The following RIPOR2 variants were observed in gnomAD, a reference collection of about 807,000 sequenced individuals.
RIPOR2 encodes RHO family interacting cell polarization regulator 2.
A neutral mutation model predicts 114.5 loss-of-function variants in RIPOR2; 39 were observed. The ratio of observed to expected loss-of-function variants is 0.34; its 90% confidence interval spans 0.26 to 0.44. RIPOR2 has a LOEUF of 0.44. Ranked by LOEUF, RIPOR2 falls within the 20% of genes least tolerant of loss-of-function variation. The pLI, the probability that RIPOR2 is intolerant of heterozygous loss-of-function variation, is 1.00. For missense variants in RIPOR2, 1,007 were observed against 1,255.1 expected, an observed-to-expected ratio of 0.80 and a Z score of 2.99; for synonymous variants, 445 against 484.4, an observed-to-expected ratio of 0.92 and a Z score of 1.07.
chr6:24,956,975 G>A (rs973793783), intron 1 of RIPOR2, among the ~76,000 whole-genome samples: 3 of 152,118 alleles, frequency 2.0e-5, no homozygotes, highest in Non-Finnish European at 2.9e-5. Flanking sequence ...ACAACCTATC[G>A]TTTCTCCACC....
chr6:24,826,545 A>T (rs1395257096), intron 18 of RIPOR2, among the ~76,000 whole-genome samples: 2 of 151,464 alleles, frequency 1.3e-5, no homozygotes, highest in African/African-American at 4.9e-5. Flanking sequence ...ATGCTCTATC[A>T]ATTTCACTGC....
At chr6:25,039,715 C>T (rs576229163) in intron 1 of RIPOR2, among the ~76,000 whole-genome samples, 1 of 152,148 alleles carries the variant, frequency 6.6e-6, no homozygotes, top group South Asian at 2.1e-4. Context: ...GATTCCATAA[C>T]GGAGGTATTG....
At chr6:24,847,664 G>T (rs1286311233) in intron 12 of RIPOR2, 1 of 1,551,564 alleles carries the variant, frequency 6.4e-7, no homozygotes, top group Admixed American at 2.0e-5. Flanking sequence ...AGCCGCCTGG[G>T]CTTGTCTGGG....
chr6:24,834,656 C>T (rs1301222077), intron 15 of RIPOR2, among the ~76,000 whole-genome samples: 1 of 152,102 alleles, frequency 6.6e-6, no homozygotes, highest in Non-Finnish European at 1.5e-5. Context: ...GGAGTAGAAC[C>T]ATTGTCACCC....
At chr6:24,981,755 G>A (rs926191153) in intron 1 of RIPOR2, among the ~76,000 whole-genome samples, 2 of 152,190 alleles carry the variant, frequency 1.3e-5, no homozygotes, top group Non-Finnish European at 2.9e-5. Flanking sequence ...TAACCTCTCT[G>A]TTCCACAGTG....
At chr6:24,954,927 C>T (rs1189109946) in intron 1 of RIPOR2, among the ~76,000 whole-genome samples, 1 of 152,154 alleles carries the variant, frequency 6.6e-6, no homozygotes, top group Non-Finnish European at 1.5e-5. Context: ...TTAGGGCATT[C>T]TTCCTAATGT....
intron 1 of RIPOR2, among the ~76,000 whole-genome samples, chr6:24,889,642 T>C (rs959419980): frequency 2.0e-5 from 3 of 152,060 alleles, no homozygotes; most frequent in Non-Finnish European, 2.9e-5. Flanking sequence ...TTAAAATATA[T>C]ATATTTTAAA....
At chr6:24,863,666 T>C (rs1392320846) in intron 7 of RIPOR2, among the ~76,000 whole-genome samples, 2 of 152,154 alleles carry the variant, frequency 1.3e-5, no homozygotes, top group Non-Finnish European at 2.9e-5. Flanking sequence ...AAATTAAACA[T>C]GTTTAGGTAT....
intron 1 of RIPOR2, among the ~76,000 whole-genome samples, chr6:24,944,917 A>G (rs1446983681): frequency 6.6e-6 from 1 of 152,204 alleles, no homozygotes; most frequent in Admixed American, 6.5e-5. Flanking sequence ...AAATAGTTAT[A>G]TAGAAGAAAT....
At chr6:24,976,032 C>G (rs1055260401) in intron 1 of RIPOR2, among the ~76,000 whole-genome samples, 1 of 152,080 alleles carries the variant, frequency 6.6e-6, no homozygotes, top group African/African-American at 2.4e-5. Context: ...AGAAAAGTGT[C>G]AAATTTATTA....
chr6:24,934,461 A>G (rs1771621788), intron 1 of RIPOR2, among the ~76,000 whole-genome samples: 1 of 152,246 alleles, frequency 6.6e-6, no homozygotes, highest in African/African-American at 2.4e-5. Context: ...TTCTGTAGCT[A>G]GAACAACATA....
At chr6:25,020,356 T>G (rs1318855020) in intron 1 of RIPOR2, among the ~76,000 whole-genome samples, 1 of 152,254 alleles carries the variant, frequency 6.6e-6, no homozygotes, top group South Asian at 2.1e-4. Flanking sequence ...AAATAAAACA[T>G]GCAGGAGCCT....
chr6:24,926,963 T>TACC lies in RIPOR2; in HGVS notation c.61+8872_61+8874dup, dbSNP rs112559389. Among the ~76,000 whole-genome samples, 49 of 105,130 alleles carry TACC rather than the reference T, an allele frequency of 4.7e-4. 2 individuals are homozygous for TACC. The highest frequency in any genetic ancestry group is 2.1e-3 in the African/African-American group (42 of 19,928). The allele number at this position is 105,130 out of a possible 152,430, so 69.0% of individuals were successfully genotyped here. On this transcript the variant is annotated intron_variant, in intron 1 of 21. Transcript: ENST00000643898. The stretch of plus-strand genomic sequence containing the variant: ...ATGATTATTATAATCATCATCTCAC[T>TACC]ACCACCACCACCACCACCACCACCA...
At chr6:25,023,882 G>A (rs1776462814) in intron 1 of RIPOR2, 2 of 724,246 alleles carry the variant, frequency 2.8e-6, no homozygotes, top group African/African-American at 3.4e-5. Context: ...TAGAGACCTG[G>A]AGGCACTTGG....
At chr6:24,989,539 C>T (rs1415039348) in intron 1 of RIPOR2, among the ~76,000 whole-genome samples, 2 of 151,826 alleles carry the variant, frequency 1.3e-5, no homozygotes, top group African/African-American at 4.8e-5. Context: ...TGGTGATCCG[C>T]CCACCTCGGC....
chr6:24,982,947 A>G (rs546588657), intron 1 of RIPOR2, among the ~76,000 whole-genome samples: 28 of 152,230 alleles, frequency 1.8e-4, no homozygotes, highest in African/African-American at 6.5e-4. Flanking sequence ...GGAATTTGTG[A>G]TACTAAGACC....
chr6:24,825,911 T>A (rs1365518785), intron 18 of RIPOR2, among the ~76,000 whole-genome samples: 1 of 142,416 alleles, frequency 7.0e-6, no homozygotes, highest in Non-Finnish European at 1.5e-5. Context: ...TATTTATTTA[T>A]TTAATGTTTT....
intron 1 of RIPOR2, among the ~76,000 whole-genome samples, chr6:24,949,286 G>A (rs1190409167): frequency 6.6e-6 from 1 of 152,094 alleles, no homozygotes. Context: ...GCAGAAAGCC[G>A]CCAGCTCTCC....
chr6:24,948,309 C>T (rs916042134), intron 1 of RIPOR2: 1 of 152,164 alleles, frequency 6.6e-6, no homozygotes, highest in Non-Finnish European at 1.5e-5. Context: ...GATCCCCATC[C>T]GTATATTAAT....
Sources: allele counts gnomAD v4.1 joint callset (sites outside exome capture counted in the v4.1 genomes callset), GRCh38; gene constraint gnomAD v4.1.1; transcripts MANE v1.5; gene names NCBI Gene and HGNC (gene_info 2026-07-23, HGNC 2026-07-21).